FSD1L: variants seen among roughly 807,000 people sequenced by gnomAD.
FSD1L encodes the protein fibronectin type III and SPRY domain containing 1 like.
In FSD1L, 45 loss-of-function variants were observed where a neutral mutation model predicts 71.6. The observed-to-expected ratio is 0.63, with a 90% CI of 0.49 to 0.81. The LOEUF (loss-of-function observed/expected upper bound fraction) is 0.81, where lower values mean the gene tolerates loss of function less well. Among genes scored for constraint, FSD1L ranks in the 30% least tolerant of loss-of-function variants. The pLI is 0.00. For missense variants in FSD1L, 561 were observed against 618.1 expected (o/e 0.91, Z 0.98); for synonymous variants, 197 against 207.2 (o/e 0.95, Z 0.42).
chr9:105,465,054 A>T (rs561623614), intron 3 of FSD1L, among the ~76,000 whole-genome samples: 12 of 152,296 alleles, frequency 7.9e-5, no homozygotes, highest in African/African-American at 2.9e-4. Context: ...AATAAAAGGT[A>T]AAGTGCCCAT....
intron 10 of FSD1L, chr9:105,522,365 A>G: frequency 6.2e-7 from 1 of 1,614,146 alleles, no homozygotes; most frequent in Non-Finnish European, 8.5e-7. Flanking sequence ...AAGGAGTTGG[A>G]CATGAATTTC....
intron 1 of FSD1L, among the ~76,000 whole-genome samples, chr9:105,453,024 A>G (rs2131571528): frequency 6.9e-6 from 1 of 145,626 alleles, no homozygotes; most frequent in South Asian, 2.2e-4. Flanking sequence ...GGTATGAGCC[A>G]TCACGTCTGA....
At chr9:105,541,757 C>T (rs1282181591) in intron 13 of FSD1L, among the ~76,000 whole-genome samples, 2 of 152,174 alleles carry the variant, frequency 1.3e-5, no homozygotes, top group East Asian at 1.9e-4. Flanking sequence ...ATTTCCATCA[C>T]CCTAGAAAAT....
chr9:105,539,490 A>G, intron 13 of FSD1L, 139 bp downstream of exon 13: 1 of 426,458 alleles, frequency 2.3e-6, no homozygotes, highest in East Asian at 3.7e-5. Context: ...TCCCCAATTC[A>G]CCCTCTCCCA....
intron 10 of FSD1L, chr9:105,525,468 T>C (rs1210636970): frequency 4.7e-5 from 76 of 1,608,816 alleles, no homozygotes; most frequent in Non-Finnish European, 6.2e-5. Flanking sequence ...AGAAGCACTT[T>C]AATGACTTAA....
chr9:105,473,472 C>T (rs1260568907), intron 5 of FSD1L, among the ~76,000 whole-genome samples: 1 of 152,166 alleles, frequency 6.6e-6, no homozygotes, highest in Non-Finnish European at 1.5e-5. Flanking sequence ...GTCCTCTATT[C>T]AAGATCATTT....
intron 7 of FSD1L, among the ~76,000 whole-genome samples, chr9:105,491,812 C>T (rs1413842550): frequency 2.6e-5 from 4 of 152,110 alleles, no homozygotes; most frequent in South Asian, 2.1e-4. Flanking sequence ...TATTGATTTG[C>T]GTATATTGAA....
At chr9:105,543,767 C>A (rs1372306685) in intron 13 of FSD1L, among the ~76,000 whole-genome samples, 11 of 152,096 alleles carry the variant, frequency 7.2e-5, no homozygotes, top group Non-Finnish European at 1.3e-4. Context: ...TGAACTCATC[C>A]TTTTTTATGG....
chr9:105,512,899 C>A lies in FSD1L; in HGVS notation c.988C>A (p.Gln330Lys). 1 of 1,538,864 alleles carries A rather than the reference C, an allele frequency of 6.5e-7. No individual in the cohort carries two copies. Among genetic ancestry groups the A allele is most frequent in the Non-Finnish European group, 8.8e-7 (1 of 1,141,812 alleles). Residue 330 changes from glutamine (Q) to lysine (K), a missense_variant, in exon 10 of 14, where the codon CAA (glutamine) becomes AAA (lysine). Physicochemically the swap from Gln to Lys is moderately conservative, Grantham distance 53. Transcript: ENST00000481272. ...VEWDPTGGKG[Q>K]ESKIKGKENK... is the part of the protein sequence containing the mutation. ...GTGGGATCCTACTGGAGGAAAAGGT[C>A]AAGAAAGTAAAATTAAAGGAAAAGA... is the stretch of plus-strand genomic sequence containing the variant.
intron 10 of FSD1L, among the ~76,000 whole-genome samples, chr9:105,532,189 T>A (rs1463202726): frequency 6.6e-6 from 1 of 152,232 alleles, no homozygotes; most frequent in Non-Finnish European, 1.5e-5. Flanking sequence ...ACTATTTTTT[T>A]AAACTTTGAG....
chr9:105,520,214 G>T (rs1589066221), intron 10 of FSD1L: 2 of 1,611,082 alleles, frequency 1.2e-6, no homozygotes, highest in South Asian at 2.2e-5. Context: ...CTCGCCTCAA[G>T]CACCTGCGCA....
chr9:105,469,717 T>TCC (rs1310824136), intron 4 of FSD1L, among the ~76,000 whole-genome samples: 4 of 137,514 alleles, frequency 2.9e-5, no homozygotes, highest in African/African-American at 1.1e-4. Context: ...TTTTTTTTTT[T>TCC]CCCATTTTGT....
intron 10 of FSD1L, among the ~76,000 whole-genome samples, chr9:105,531,457 T>C (rs1835889756): frequency 6.6e-6 from 1 of 152,256 alleles, no homozygotes; most frequent in Non-Finnish European, 1.5e-5. Flanking sequence ...AATGGTAAGA[T>C]AGTACTAGCA....
upstream of FSD1L, among the ~76,000 whole-genome samples, chr9:105,444,154 G>A (rs895881450): frequency 6.6e-6 from 1 of 152,124 alleles, no homozygotes; most frequent in Admixed American, 6.5e-5. Context: ...GATCCAGAAG[G>A]AAAAAGAGCT....
At chr9:105,524,070 A>T in intron 10 of FSD1L, 1 of 1,610,546 alleles carries the variant, frequency 6.2e-7, no homozygotes, top group East Asian at 2.2e-5. Flanking sequence ...TAAGGAACTT[A>T]TAATCAAAAC....
At chr9:105,472,571 A>C (rs748060567) in intron 5 of FSD1L, 6 of 152,182 alleles carry the variant, frequency 3.9e-5, no homozygotes, top group Non-Finnish European at 8.8e-5. Flanking sequence ...AATGATGTGA[A>C]AAGATTTGGA....
chr9:105,462,222 T>G (rs1247863057), intron 2 of FSD1L, among the ~76,000 whole-genome samples: 2 of 151,032 alleles, frequency 1.3e-5, no homozygotes, highest in African/African-American at 2.4e-5. Flanking sequence ...AAGTTTTGTT[T>G]TTTTTTTTTT....
chr9:105,519,209 A>G (rs1834948578), intron 10 of FSD1L, among the ~76,000 whole-genome samples: 1 of 152,180 alleles, frequency 6.6e-6, no homozygotes. Context: ...ACTCACAGCC[A>G]AATTCTACCA....
rs922312872 is a variant in FSD1L, at chr9:105,535,107, C to T, written c.1167C>T (p.Val389=). Reference sequence around the variant, plus strand: ...AAAGTGGACAACATTATTGGGAGGTCAAGGCCCAGAAGGATTGTAAATCCT... The same window carrying T: ...AAAGTGGACAACATTATTGGGAGGTTAAGGCCCAGAAGGATTGTAAATCCT... ...AIESGQHYWE[V]KAQKDCKSYS... is the part of the protein sequence containing the mutation. Residue 389 remains valine (V), a synonymous_variant, in exon 12 of 14, where the codon GTC becomes GTT. Coordinates refer to ENST00000481272, the MANE Select transcript of FSD1L (RefSeq NM_001145313.3). 1 of 1,551,516 alleles carries T rather than the reference C, an allele frequency of 6.4e-7. No individual in the cohort carries two copies. Among genetic ancestry groups the T allele is most frequent in the Non-Finnish European group, 8.7e-7 (1 of 1,146,868 alleles).
Sources: allele counts gnomAD v4.1 joint callset (sites outside exome capture counted in the v4.1 genomes callset), GRCh38; gene constraint gnomAD v4.1.1; transcripts MANE v1.5; gene names NCBI Gene and HGNC (gene_info 2026-07-23, HGNC 2026-07-21).